EYA2: variants seen among roughly 807,000 people sequenced by gnomAD.
The protein encoded by EYA2 is EYA transcriptional coactivator and phosphatase 2.
Under a neutral mutation model 69.2 loss-of-function variants are expected in EYA2, and 31 were observed. The ratio of observed to expected loss-of-function variants is 0.45; its 90% CI spans 0.34 to 0.60. The LOEUF is 0.60. Ranked by LOEUF, EYA2 falls within the 20% of genes least tolerant of loss-of-function variation. The probability of loss-of-function intolerance (pLI) is 0.02; values close to 1 mark genes in which losing one functional copy is unlikely to be tolerated. For synonymous variants in EYA2, 257 were observed against 279.4 expected (o/e 0.92, Z 0.80); for missense variants, 622 against 701.2 (o/e 0.89, Z 1.28).
intron 1 of EYA2, among the ~76,000 whole-genome samples, chr20:46,959,913 A>T (rs1486171875): frequency 6.6e-6 from 1 of 152,198 alleles, no homozygotes; most frequent in Admixed American, 6.5e-5. Context: ...GAACTCCCAA[A>T]GCAGAGACAT....
intron 1 of EYA2, among the ~76,000 whole-genome samples, chr20:46,931,185 G>A (rs1985652683): frequency 2.0e-5 from 3 of 152,234 alleles, no homozygotes. Context: ...AGAGAAGGCT[G>A]ACATCATTGT....
At chr20:46,958,550 C>T (rs1005952233) in intron 1 of EYA2, among the ~76,000 whole-genome samples, 1 of 152,156 alleles carries the variant, frequency 6.6e-6, no homozygotes, top group Non-Finnish European at 1.5e-5. Context: ...GAGGAACCCT[C>T]ATTTTTTTAA....
At chr20:47,063,392 C>CGTGTGTGTGTGT (rs35187186) in intron 5 of EYA2, among the ~76,000 whole-genome samples, 6,785 of 143,358 alleles carry the variant, frequency 0.047, 188 homozygotes, top group Admixed American at 0.086. Flanking sequence ...TGTGCGTGTG[C>CGTGTGTGTGTGT]GTGTGTGTGT....
intron 1 of EYA2, among the ~76,000 whole-genome samples, chr20:46,934,925 T>G (rs1001808075): frequency 4.6e-5 from 7 of 152,198 alleles, no homozygotes; most frequent in African/African-American, 1.4e-4. Context: ...ATGGTTAGAT[T>G]TGCATTTTTA....
chr20:46,937,721 ATTC>A (rs1985977676), intron 1 of EYA2, among the ~76,000 whole-genome samples: 1 of 150,558 alleles, frequency 6.6e-6, no homozygotes, highest in Admixed American at 6.6e-5. Context: ...GCAATTTGGA[ATTC>A]TTGAATTCCA....
At chr20:47,099,503 C>T (rs1408413531) in intron 9 of EYA2, among the ~76,000 whole-genome samples, 1 of 152,182 alleles carries the variant, frequency 6.6e-6, no homozygotes, top group Non-Finnish European at 1.5e-5. Flanking sequence ...GGCAACAGAG[C>T]AAGACCCTGT....
intron 9 of EYA2, among the ~76,000 whole-genome samples, chr20:47,130,021 AACCCCC>A (rs2033298567): frequency 8.2e-6 from 1 of 121,884 alleles, no homozygotes; most frequent in Non-Finnish European, 1.7e-5. Flanking sequence ...GTCCCCCTCC[AACCCCC>A]ACCACGGATC....
intron 4 of EYA2, among the ~76,000 whole-genome samples, chr20:47,015,606 T>C (rs907662969): frequency 3.9e-5 from 6 of 151,944 alleles, no homozygotes; most frequent in African/African-American, 1.5e-4. Context: ...AGCATGAAGC[T>C]CACGGTGGCA....
intron 5 of EYA2, among the ~76,000 whole-genome samples, chr20:47,017,171 T>C (rs1417060906): frequency 6.6e-6 from 1 of 152,196 alleles, no homozygotes; most frequent in Non-Finnish European, 1.5e-5. Flanking sequence ...CTTGGGAGCA[T>C]GCTGGAGTTG....
chr20:47,088,321 G>A (rs372141404), intron 7 of EYA2, among the ~76,000 whole-genome samples: 3 of 152,234 alleles, frequency 2.0e-5, no homozygotes, highest in African/African-American at 4.8e-5. Flanking sequence ...TGCAGCCCCC[G>A]TTTACCTCTG....
chr20:46,979,221 C>T (rs1052581894), intron 1 of EYA2, among the ~76,000 whole-genome samples: 1 of 152,196 alleles, frequency 6.6e-6, no homozygotes, highest in Admixed American at 6.5e-5. Flanking sequence ...GCTTTTGATC[C>T]CTCCCAGCCT....
intron 9 of EYA2, among the ~76,000 whole-genome samples, chr20:47,107,525 CAAAAA>C (rs111607473): frequency 0.01 from 1,280 of 125,238 alleles, 15 homozygotes; most frequent in Middle Eastern, 0.03. Flanking sequence ...GACTCTGTAT[CAAAAA>C]AAAAAAAAAA....
chr20:47,124,079 A>G (rs971461018), intron 9 of EYA2, among the ~76,000 whole-genome samples: 5 of 152,078 alleles, frequency 3.3e-5, no homozygotes, highest in African/African-American at 1.2e-4. Context: ...ACTTGCCAGT[A>G]TCTTCCAAGA....
intron 1 of EYA2, among the ~76,000 whole-genome samples, chr20:46,902,735 T>G (rs1984173945): frequency 6.6e-6 from 1 of 152,238 alleles, no homozygotes; most frequent in South Asian, 2.1e-4. Flanking sequence ...TCTGCCCTTG[T>G]AGAAATGAAT....
At chr20:47,096,703 C>G (rs941394787) in intron 8 of EYA2, among the ~76,000 whole-genome samples, 1 of 152,132 alleles carries the variant, frequency 6.6e-6, no homozygotes, top group Non-Finnish European at 1.5e-5. Context: ...ACCAGACTTG[C>G]TAAAAACAGA....
At chr20:46,944,371 G>A (rs1021842490) in intron 1 of EYA2, among the ~76,000 whole-genome samples, 1 of 152,320 alleles carries the variant, frequency 6.6e-6, no homozygotes, top group Non-Finnish European at 1.5e-5. Flanking sequence ...TAGCTTCGGG[G>A]CAGGTGCAGC....
intron 1 of EYA2, among the ~76,000 whole-genome samples, chr20:46,948,900 ATC>A (rs930818015): frequency 7.9e-5 from 12 of 152,202 alleles, no homozygotes; most frequent in African/African-American, 2.9e-4. Flanking sequence ...GTCATTGTAT[ATC>A]TGTTTTCTTC....
At chr20:47,006,005 G>A (rs1982690474) in intron 4 of EYA2, among the ~76,000 whole-genome samples, 1 of 152,208 alleles carries the variant, frequency 6.6e-6, no homozygotes, top group South Asian at 2.1e-4. Flanking sequence ...GCTTCAGGCA[G>A]GCCTGGGTCC....
chr20:46,941,603 G>A (rs1986156236), intron 1 of EYA2, among the ~76,000 whole-genome samples: 1 of 152,196 alleles, frequency 6.6e-6, no homozygotes, highest in Non-Finnish European at 1.5e-5. Flanking sequence ...GTGATGTTGA[G>A]CAAGTTACCT....
Sources: allele counts gnomAD v4.1 joint callset (sites outside exome capture counted in the v4.1 genomes callset), GRCh38; gene constraint gnomAD v4.1.1; transcripts MANE v1.5; gene names NCBI Gene and HGNC (gene_info 2026-07-23, HGNC 2026-07-21).